The following KCNH1 variants were observed in gnomAD, a reference collection of about 807,000 sequenced individuals.
KCNH1 encodes voltage-gated delayed rectifier potassium channel KCNH1.
KCNH1 carries 27 observed loss-of-function variants against 69.2 expected under a neutral mutation model. The ratio of observed to expected loss-of-function variants is 0.39; its 90% CI spans 0.29 to 0.54. The LOEUF (loss-of-function observed/expected upper bound fraction) is 0.54, where lower values mean the gene tolerates loss of function less well. Among genes scored for constraint, KCNH1 ranks in the 20% least tolerant of loss-of-function variants. The pLI, the probability that KCNH1 is intolerant of heterozygous loss-of-function variation, is 0.68. For synonymous variants in KCNH1, 456 were observed against 487.7 expected (o/e 0.93, Z 0.86); for missense variants, 798 against 1,261.6 (o/e 0.63, Z 5.57).
chr1:211,071,066 T>C (rs1690633784), intron 5 of KCNH1, among the ~76,000 whole-genome samples: 1 of 152,206 alleles, frequency 6.6e-6, no homozygotes. Context: ...ACTGTATTCT[T>C]ACAACAAAGC....
chr1:210,971,531 C>T (rs1207989601), intron 6 of KCNH1, among the ~76,000 whole-genome samples: 53 of 152,160 alleles, frequency 3.5e-4, no homozygotes, highest in Admixed American at 2.0e-4. Context: ...TATTTTACTG[C>T]ATTTTACTAT....
intron 4 of KCNH1, among the ~76,000 whole-genome samples, chr1:211,088,645 TA>T (rs1311955678): frequency 6.6e-6 from 1 of 152,216 alleles, no homozygotes; most frequent in Non-Finnish European, 1.5e-5. Context: ...CAGGAGACAT[TA>T]AGCGTGGTCT....
At chr1:211,088,558 G>A (rs542433609) in intron 4 of KCNH1, among the ~76,000 whole-genome samples, 3 of 152,328 alleles carry the variant, frequency 2.0e-5, no homozygotes, top group African/African-American at 7.2e-5. Flanking sequence ...CCAGGGGCAT[G>A]ATGACATGGC....
intron 6 of KCNH1, among the ~76,000 whole-genome samples, chr1:210,952,516 A>G (rs577554368): frequency 4.9e-4 from 74 of 152,300 alleles, no homozygotes; most frequent in African/African-American, 1.7e-3. Flanking sequence ...CAGTACAGCA[A>G]CAGGAGAACA....
chr1:210,932,965 CA>C, intron 6 of KCNH1, among the ~76,000 whole-genome samples: 1 of 152,258 alleles, frequency 6.6e-6, no homozygotes, highest in African/African-American at 2.4e-5. Flanking sequence ...ATCACTTAGA[CA>C]GAAAATCAAC....
At chr1:211,042,089 G>C (rs1690005873) in intron 5 of KCNH1, among the ~76,000 whole-genome samples, 1 of 152,080 alleles carries the variant, frequency 6.6e-6, no homozygotes, top group Non-Finnish European at 1.5e-5. Flanking sequence ...ACCAACTCTT[G>C]CTCTGTGGGA....
At chr1:210,752,247 T>C (rs1399879250) in intron 10 of KCNH1, among the ~76,000 whole-genome samples, 1 of 152,198 alleles carries the variant, frequency 6.6e-6, no homozygotes, top group Non-Finnish European at 1.5e-5. Flanking sequence ...AGCTTGAAAG[T>C]CAACAAAAGG....
chr1:211,003,118 C>T (rs1444585638), intron 6 of KCNH1, among the ~76,000 whole-genome samples: 1 of 152,112 alleles, frequency 6.6e-6, no homozygotes, highest in African/African-American at 2.4e-5. Context: ...GGAGAGACCA[C>T]ATGTGGCACA....
At chr1:210,984,305 A>G (rs1245669827) in intron 6 of KCNH1, among the ~76,000 whole-genome samples, 2 of 152,116 alleles carry the variant, frequency 1.3e-5, no homozygotes, top group African/African-American at 4.8e-5. Context: ...AACTTCCAAC[A>G]CTATGTTGAA....
At chr1:211,124,135 T>G (rs556660626) in intron 1 of KCNH1, among the ~76,000 whole-genome samples, 24 of 152,178 alleles carry the variant, frequency 1.6e-4, no homozygotes, top group Non-Finnish European at 2.9e-4. Context: ...AAATGCAGTA[T>G]ACACACTTAT....
chr1:211,099,047 G>A (rs1459268081), intron 3 of KCNH1, among the ~76,000 whole-genome samples: 1 of 152,032 alleles, frequency 6.6e-6, no homozygotes, highest in Admixed American at 6.6e-5. Context: ...TTTTACCTCA[G>A]CATTCTTTTT....
intron 1 of KCNH1, among the ~76,000 whole-genome samples, chr1:211,121,627 A>C (rs1691686190): frequency 6.6e-6 from 1 of 152,242 alleles, no homozygotes; most frequent in East Asian, 1.9e-4. Flanking sequence ...ATGGGCAAAG[A>C]CTTCATGACA....
At chr1:210,936,952 T>C (rs553133968) in intron 6 of KCNH1, among the ~76,000 whole-genome samples, 99 of 152,204 alleles carry the variant, frequency 6.5e-4, no homozygotes, top group African/African-American at 2.3e-3. Context: ...CTATTCCTCA[T>C]CTCTTTTTAT....
At chr1:211,072,429 G>T (rs1690662332) in intron 5 of KCNH1, among the ~76,000 whole-genome samples, 1 of 152,108 alleles carries the variant, frequency 6.6e-6, no homozygotes, top group Non-Finnish European at 1.5e-5. Flanking sequence ...GAAACAAACA[G>T]CATCAGAGAA....
intron 5 of KCNH1, among the ~76,000 whole-genome samples, chr1:211,073,253 A>G (rs942160813): frequency 8.5e-5 from 13 of 152,352 alleles, no homozygotes; most frequent in Non-Finnish European, 1.5e-4. Flanking sequence ...GCAAGGAAAA[A>G]TAGATGAATT....
At chr1:210,759,008 A>C (rs1348026178) in intron 10 of KCNH1, among the ~76,000 whole-genome samples, 1 of 152,222 alleles carries the variant, frequency 6.6e-6, no homozygotes, top group Non-Finnish European at 1.5e-5. Flanking sequence ...AACTATGTGC[A>C]AACATGGAAC....
chr1:211,130,827 C>T (rs1341888699), intron 1 of KCNH1, among the ~76,000 whole-genome samples: 1 of 152,194 alleles, frequency 6.6e-6, no homozygotes, highest in African/African-American at 2.4e-5. Context: ...TTATCCCCGC[C>T]TTTGCCTTCA....
intron 9 of KCNH1, among the ~76,000 whole-genome samples, chr1:210,789,263 G>A (rs1273812770): frequency 6.6e-6 from 1 of 152,192 alleles, no homozygotes; most frequent in East Asian, 1.9e-4. Context: ...CAGCTTACAA[G>A]AATCTTGGGA....
At chr1:210,849,675 C>G (rs1347499533) in intron 7 of KCNH1, among the ~76,000 whole-genome samples, 3 of 152,006 alleles carry the variant, frequency 2.0e-5, no homozygotes, top group Non-Finnish European at 2.9e-5. Flanking sequence ...TGCCATGAGC[C>G]TTTTAATCAA....
Sources: gnomAD v4.1 joint callset for allele counts (sites outside exome capture counted in the v4.1 genomes callset) on GRCh38, gnomAD v4.1.1 for gene constraint, MANE v1.5 for transcripts, NCBI Gene and HGNC (gene_info 2026-07-23, HGNC 2026-07-21) for gene names.